Variants in ARID1B observed in about 807,000 individuals in gnomAD.
The protein encoded by ARID1B is AT-rich interaction domain 1B.
Under a neutral mutation model 212.3 loss-of-function variants are expected in ARID1B, and 30 were observed. The observed-to-expected ratio is 0.14, with a 90% CI of 0.11 to 0.19. The LOEUF is 0.19. Among genes scored for constraint, ARID1B ranks in the 10% least tolerant of loss-of-function variants. ARID1B has a pLI of 1.00. For synonymous variants in ARID1B, 1,402 were observed against 1,301.7 expected (o/e 1.08, Z -1.66); for missense variants, 2,891 against 3,204.0 (o/e 0.90, Z 2.36).
chr6:157,088,252 T>A (rs1175720275), intron 5 of ARID1B, among the ~76,000 whole-genome samples: 1 of 152,218 alleles, frequency 6.6e-6, no homozygotes, highest in Non-Finnish European at 1.5e-5. Context: ...AGGAGCCAGG[T>A]TACCCTCAGT....
At chr6:156,979,213 A>T (rs926147583) in intron 4 of ARID1B, among the ~76,000 whole-genome samples, 1 of 152,192 alleles carries the variant, frequency 6.6e-6, no homozygotes, top group African/African-American at 2.4e-5. Flanking sequence ...CCTTGCAAAG[A>T]ATATATATAT....
intron 3 of ARID1B, among the ~76,000 whole-genome samples, chr6:156,921,522 C>T (rs1790799203): frequency 6.6e-6 from 1 of 151,028 alleles, no homozygotes; most frequent in African/African-American, 2.4e-5. Flanking sequence ...AAAAAATTCA[C>T]ATTTTCTGCT....
intron 2 of ARID1B, among the ~76,000 whole-genome samples, chr6:156,880,739 C>CAAAAAAAAAAAAAAAAAA (rs141153792): frequency 1.1e-5 from 1 of 86,994 alleles, no homozygotes; most frequent in Admixed American, 1.7e-4. Flanking sequence ...GACTCTGTCT[C>CAAAAAAAAAAAAAAAAAA]AAAAAAAAAA....
At chr6:156,810,581 G>A (rs1781489759) in intron 1 of ARID1B, among the ~76,000 whole-genome samples, 1 of 152,182 alleles carries the variant, frequency 6.6e-6, no homozygotes, top group Non-Finnish European at 1.5e-5. Context: ...CTAAATTTTA[G>A]AACACAGGTT....
intron 4 of ARID1B, among the ~76,000 whole-genome samples, chr6:157,006,761 A>G (rs2128443869): frequency 6.6e-6 from 1 of 152,366 alleles, no homozygotes; most frequent in African/African-American, 2.4e-5. Flanking sequence ...CTTTCAGCAC[A>G]CAGCTGCAAT....
At chr6:156,903,522 C>T (rs934830068) in intron 3 of ARID1B, among the ~76,000 whole-genome samples, 2 of 152,128 alleles carry the variant, frequency 1.3e-5, no homozygotes, top group Non-Finnish European at 2.9e-5. Flanking sequence ...ATCAGATGGT[C>T]TGGTTTGACA....
chr6:157,088,093 T>A (rs1785064150), intron 5 of ARID1B, among the ~76,000 whole-genome samples: 2 of 152,234 alleles, frequency 1.3e-5, no homozygotes, highest in Admixed American at 6.5e-5. Context: ...ATCAGCTAAC[T>A]GTGAGCAGCA....
chr6:157,103,709 C>A (rs1786250512), intron 5 of ARID1B, among the ~76,000 whole-genome samples: 1 of 152,020 alleles, frequency 6.6e-6, no homozygotes, highest in Admixed American at 6.6e-5. Flanking sequence ...TCTCCCAAAA[C>A]TTCTCCTAGT....
At chr6:156,975,415 T>C (rs1331535979) in intron 4 of ARID1B, among the ~76,000 whole-genome samples, 1 of 152,174 alleles carries the variant, frequency 6.6e-6, no homozygotes, top group Non-Finnish European at 1.5e-5. Flanking sequence ...TTTGCAGATA[T>C]TTTCTCACAG....
At chr6:156,953,788 G>A (rs1793761453) in intron 4 of ARID1B, among the ~76,000 whole-genome samples, 1 of 152,120 alleles carries the variant, frequency 6.6e-6, no homozygotes, top group African/African-American at 2.4e-5. Flanking sequence ...TGACAGGGTG[G>A]GTAATGGCCT....
intron 2 of ARID1B, among the ~76,000 whole-genome samples, chr6:156,841,984 A>G (rs1199691584): frequency 2.6e-5 from 4 of 152,210 alleles, no homozygotes; most frequent in Non-Finnish European, 5.9e-5. Flanking sequence ...TTAAATAATA[A>G]GACTGATTAT....
At chr6:157,039,044 A>AT (rs1199172115) in intron 4 of ARID1B, among the ~76,000 whole-genome samples, 9 of 151,904 alleles carry the variant, frequency 5.9e-5, no homozygotes, top group East Asian at 1.9e-4. Context: ...TGCCTGGCTA[A>AT]TTTTTTATAA....
chr6:156,946,479 C>T (rs1408644349), intron 4 of ARID1B, among the ~76,000 whole-genome samples: 1 of 152,146 alleles, frequency 6.6e-6, no homozygotes, highest in African/African-American at 2.4e-5. Context: ...CATCTATGTG[C>T]CTGCCTAAAG....
chr6:157,021,583 G>T (rs1780269275), intron 4 of ARID1B, among the ~76,000 whole-genome samples: 1 of 152,166 alleles, frequency 6.6e-6, no homozygotes, highest in Admixed American at 6.5e-5. Context: ...CGCGTCCTCA[G>T]CCTGACTGAA....
At chr6:156,838,747 G>A (rs1317687644) in intron 2 of ARID1B, among the ~76,000 whole-genome samples, 1 of 121,266 alleles carries the variant, frequency 8.2e-6, no homozygotes, top group Non-Finnish European at 1.8e-5. Context: ...AAAAAAAACC[G>A]CTCTAAGTAA....
intron 4 of ARID1B, among the ~76,000 whole-genome samples, chr6:157,073,139 G>A (rs1784092925): frequency 7.5e-6 from 1 of 133,348 alleles, no homozygotes; most frequent in Non-Finnish European, 1.5e-5. Flanking sequence ...GCCTCACTCT[G>A]TCGCTCTGGC....
chr6:156,794,062 T>C (rs1780187718), intron 1 of ARID1B, among the ~76,000 whole-genome samples: 6 of 152,214 alleles, frequency 3.9e-5, no homozygotes, highest in Admixed American at 3.9e-4. Flanking sequence ...TCAAACCCAG[T>C]TGTGCTTCAG....
intron 1 of ARID1B, among the ~76,000 whole-genome samples, chr6:156,815,239 C>A (rs571588): frequency 0.12 from 17,562 of 152,132 alleles, 1,379 homozygotes; most frequent in Non-Finnish European, 0.17. Flanking sequence ...CATATCCAGA[C>A]ATGTGTATAT....
intron 12 of ARID1B, among the ~76,000 whole-genome samples, chr6:157,181,545 G>A (rs1792533374): frequency 6.6e-6 from 1 of 152,220 alleles, no homozygotes; most frequent in South Asian, 2.1e-4. Context: ...AATTATCTGT[G>A]TCAGATATAA....
Sources: gnomAD v4.1 joint callset for allele counts (sites outside exome capture counted in the v4.1 genomes callset) on GRCh38, gnomAD v4.1.1 for gene constraint, MANE v1.5 for transcripts, NCBI Gene and HGNC (gene_info 2026-07-23, HGNC 2026-07-21) for gene names.